NTN4: variants seen among roughly 807,000 people sequenced by gnomAD.
The protein encoded by NTN4 is netrin-4.
A neutral mutation model predicts 73.6 loss-of-function variants in NTN4; 32 were observed. The observed-to-expected ratio is 0.44, with a 90% CI of 0.33 to 0.58. The LOEUF is 0.58. NTN4 is among the 20% of genes least tolerant of loss of function. The pLI is 0.04. For missense variants in NTN4, 654 were observed against 798.3 expected (o/e 0.82, Z 2.18); for synonymous variants, 258 against 287.5 (o/e 0.90, Z 1.04).
At position 95,723,175 on chromosome 12, in the gene NTN4, G is replaced by C. The variant is rs10777721; in HGVS notation, c.865-9837C>G. Among the ~76,000 whole-genome samples the C allele has an allele frequency of 2.6e-5, 4 of 151,694 alleles. No homozygotes were observed. The South Asian group carries it at 8.4e-4, about 32-fold the overall frequency. ...AGGCCAGCGATAGACTATCTTTATT[G>C]ATAACTGTGGACTTTAGGTTCAAAT... On this transcript the variant is annotated intron_variant, in intron 3 of 9. Transcript: ENST00000343702.
At chr12:95,711,520 A>G (rs2121087060) in intron 4 of NTN4, among the ~76,000 whole-genome samples, 1 of 152,336 alleles carries the variant, frequency 6.6e-6, no homozygotes. Flanking sequence ...CTTACTAATG[A>G]GCCTGGAAGG....
chr12:95,659,536 C>T (rs759620493), intron 9 of NTN4, among the ~76,000 whole-genome samples: 22 of 151,948 alleles, frequency 1.4e-4, no homozygotes, highest in Non-Finnish European at 2.9e-4. Flanking sequence ...GAACTCAAGC[C>T]ATCTGCCCAC....
At chr12:95,769,751 CTTTTTT>C (rs34093723) in intron 2 of NTN4, among the ~76,000 whole-genome samples, 154 of 117,098 alleles carry the variant, frequency 1.3e-3, no homozygotes, top group Non-Finnish European at 1.4e-3. Flanking sequence ...AGGTTTCAAT[CTTTTTT>C]TTTTTTTTTT....
intron 3 of NTN4, among the ~76,000 whole-genome samples, chr12:95,730,187 A>T (rs1396684694): frequency 6.6e-6 from 1 of 152,180 alleles, no homozygotes; most frequent in African/African-American, 2.4e-5. Flanking sequence ...CAGTGCCCCA[A>T]TTTTGACCTA....
intron 5 of NTN4, among the ~76,000 whole-genome samples, chr12:95,707,017 T>C (rs1045815010): frequency 6.6e-6 from 1 of 152,216 alleles, no homozygotes; most frequent in African/African-American, 2.4e-5. Context: ...AGCCACACTT[T>C]GAGAATCACT....
intron 5 of NTN4, among the ~76,000 whole-genome samples, chr12:95,685,118 G>A (rs1051445677): frequency 3.9e-5 from 6 of 152,102 alleles, no homozygotes; most frequent in South Asian, 4.2e-4. Context: ...TGCCCACCTC[G>A]ACCTCCCAAA....
chr12:95,687,058 C>T (rs1422644447), intron 5 of NTN4, among the ~76,000 whole-genome samples: 2 of 152,244 alleles, frequency 1.3e-5, no homozygotes, highest in Non-Finnish European at 2.9e-5. Context: ...CCTTTCCCCA[C>T]CTTGTCCATC....
At chr12:95,668,143 G>GTTTTTT (rs36080777) in intron 8 of NTN4, among the ~76,000 whole-genome samples, 5 of 136,280 alleles carry the variant, frequency 3.7e-5, no homozygotes, top group African/African-American at 5.3e-5. Context: ...TAAGTCAAGT[G>GTTTTTT]TTTTTTTTTT....
chr12:95,674,669 T>A (rs921150438), intron 7 of NTN4, among the ~76,000 whole-genome samples: 8 of 152,246 alleles, frequency 5.3e-5, no homozygotes, highest in Admixed American at 4.6e-4. Context: ...AAGCTGTTTT[T>A]ATGGAAACTT....
intron 5 of NTN4, among the ~76,000 whole-genome samples, chr12:95,693,816 G>T (rs1446599997): frequency 6.6e-6 from 1 of 151,684 alleles, no homozygotes. Flanking sequence ...AAAAAAAGGA[G>T]GGTGTGATCT....
intron 2 of NTN4, among the ~76,000 whole-genome samples, chr12:95,771,198 C>T (rs1488469040): frequency 2.6e-5 from 4 of 151,982 alleles, no homozygotes; most frequent in African/African-American, 9.7e-5. Context: ...ACCGTGTTAG[C>T]CAGGATGGTC....
intron 2 of NTN4, among the ~76,000 whole-genome samples, chr12:95,774,563 T>C (rs2079078869): frequency 6.6e-6 from 1 of 152,246 alleles, no homozygotes; most frequent in Admixed American, 6.5e-5. Flanking sequence ...TTCCTACTCA[T>C]ATAAGACTTT....
intron 2 of NTN4, among the ~76,000 whole-genome samples, chr12:95,775,536 C>G (rs2079085731): frequency 6.6e-6 from 1 of 152,240 alleles, no homozygotes; most frequent in African/African-American, 2.4e-5. Flanking sequence ...GAGATTATAT[C>G]CCGTGCATGG....
intron 5 of NTN4, among the ~76,000 whole-genome samples, chr12:95,690,127 C>T (rs2078391077): frequency 6.6e-6 from 1 of 152,186 alleles, no homozygotes; most frequent in Admixed American, 6.5e-5. Flanking sequence ...TCAAAAATGA[C>T]CCTTGAACTG....
intron 3 of NTN4, among the ~76,000 whole-genome samples, chr12:95,719,274 T>C (rs571753258): frequency 1.3e-5 from 2 of 152,286 alleles, no homozygotes; most frequent in East Asian, 1.9e-4. Flanking sequence ...TTAATTCCAA[T>C]TGAAAATGAA....
At chr12:95,692,423 G>T (rs1340866582) in intron 5 of NTN4, among the ~76,000 whole-genome samples, 1 of 152,218 alleles carries the variant, frequency 6.6e-6, no homozygotes, top group Non-Finnish European at 1.5e-5. Context: ...GAGGAAATGA[G>T]TACTTTACAA....
intron 7 of NTN4, among the ~76,000 whole-genome samples, chr12:95,676,151 T>C (rs1419178559): frequency 2.0e-5 from 3 of 152,220 alleles, no homozygotes; most frequent in Admixed American, 6.5e-5. Context: ...TCACCCAGGC[T>C]GGAGTGCAGT....
At chr12:95,678,637 G>A (rs1027781672) in intron 7 of NTN4, among the ~76,000 whole-genome samples, 1 of 151,804 alleles carries the variant, frequency 6.6e-6, no homozygotes, top group Non-Finnish European at 1.5e-5. Flanking sequence ...AAAAAATGAT[G>A]CATGAGAACT....
At chr12:95,764,672 C>T (rs1036979525) in intron 2 of NTN4, among the ~76,000 whole-genome samples, 3 of 130,714 alleles carry the variant, frequency 2.3e-5, no homozygotes, top group African/African-American at 5.7e-5. Flanking sequence ...CCCCCCGCCC[C>T]GACCAAAAAA....
Sources: allele counts gnomAD v4.1 joint callset (sites outside exome capture counted in the v4.1 genomes callset), GRCh38; gene constraint gnomAD v4.1.1; transcripts MANE v1.5; gene names NCBI Gene and HGNC (gene_info 2026-07-23, HGNC 2026-07-21).